XPR1: variants seen among roughly 807,000 people sequenced by gnomAD.
The protein encoded by XPR1 is xenotropic and polytropic retrovirus receptor 1, also known as solute carrier family 53 member 1.
Under a neutral mutation model 87.5 loss-of-function variants are expected in XPR1, and 28 were observed. The observed-to-expected ratio is 0.32, with a 90% CI of 0.24 to 0.44. XPR1 has a LOEUF of 0.44. XPR1 is among the 20% of genes least tolerant of loss of function. XPR1 has a pLI of 1.00. For missense variants in XPR1, 559 were observed against 862.3 expected (o/e 0.65, Z 4.41); for synonymous variants, 300 against 306.1 (o/e 0.98, Z 0.21).
At chr1:180,835,094 A>G (rs1404118366) in intron 10 of XPR1, 49 bp downstream of exon 10, 1 of 1,570,466 alleles carries the variant, frequency 6.4e-7, no homozygotes. Flanking sequence ...GTGTAAACCA[A>G]GATATATTGG....
At chr1:180,852,802 C>T (rs1346097817) in intron 11 of XPR1, among the ~76,000 whole-genome samples, 1 of 152,120 alleles carries the variant, frequency 6.6e-6, no homozygotes, top group Non-Finnish European at 1.5e-5. Context: ...GTTGGGATTA[C>T]AGGCGTGAGC....
chr1:180,847,272 A>C (rs919015773), intron 11 of XPR1, among the ~76,000 whole-genome samples: 1 of 152,190 alleles, frequency 6.6e-6, no homozygotes, highest in Non-Finnish European at 1.5e-5. Context: ...TGATATTTGA[A>C]ATTAATTTTT....
chr1:180,844,334 T>C (rs1220759818), intron 11 of XPR1, among the ~76,000 whole-genome samples: 1 of 152,226 alleles, frequency 6.6e-6, no homozygotes, highest in African/African-American at 2.4e-5. Flanking sequence ...CTTTATATTA[T>C]ACATAATTTT....
intron 1 of XPR1, among the ~76,000 whole-genome samples, chr1:180,682,005 A>G (rs1348084549): frequency 6.6e-6 from 1 of 152,166 alleles, no homozygotes; most frequent in Admixed American, 6.5e-5. Flanking sequence ...CCAGTTCCTG[A>G]TAGTTTCTTA....
rs12063306 is a variant in XPR1, at chr1:180,772,855, T to C, written c.122-14898T>C. On this transcript the variant is annotated intron_variant, in intron 2 of 14. Transcript: ENST00000367590. ...TGTAAATTGCCCAGTCTTGGGTATGTCTTTATCAGCATCATGAAAACTGAC... is the reference window on the plus strand; with the variant it reads ...TGTAAATTGCCCAGTCTTGGGTATGCCTTTATCAGCATCATGAAAACTGAC... Among the ~76,000 whole-genome samples the C allele has an allele frequency of 4.6e-3, 699 of 152,312 alleles. 4 individuals carry two copies. The highest frequency in any genetic ancestry group is 0.016 in the African/African-American group (675 of 41,558).
chr1:180,753,167 T>C (rs1384911189), intron 2 of XPR1, among the ~76,000 whole-genome samples: 1 of 152,146 alleles, frequency 6.6e-6, no homozygotes, highest in African/African-American at 2.4e-5. Flanking sequence ...CATTTCAAGA[T>C]TGTTGTATGC....
At chr1:180,826,578 A>G (rs1358690474) in intron 9 of XPR1, among the ~76,000 whole-genome samples, 1 of 152,188 alleles carries the variant, frequency 6.6e-6, no homozygotes, top group Non-Finnish European at 1.5e-5. Context: ...AGAAACAAAG[A>G]AAGTAAATCA....
chr1:180,854,408 A>G (rs1651967963), intron 11 of XPR1, among the ~76,000 whole-genome samples: 1 of 152,264 alleles, frequency 6.6e-6, no homozygotes, highest in African/African-American at 2.4e-5. Flanking sequence ...GTGAGTAAAC[A>G]TATATGTTAC....
intron 1 of XPR1, among the ~76,000 whole-genome samples, chr1:180,643,801 T>C (rs186303143): frequency 1.3e-5 from 2 of 152,212 alleles, no homozygotes; most frequent in South Asian, 2.1e-4. Context: ...ATTTGAAATT[T>C]GGTAGAACTA....
rs943843086 is a variant in XPR1, at chr1:180,736,721, A to G, written c.122-51032A>G. 3.3e-5 allele frequency among the ~76,000 whole-genome samples: 5 copies of G among 152,128 alleles called. No homozygotes were observed. The South Asian group carries it at 8.3e-4, about 25-fold the overall frequency. On this transcript the variant is annotated intron_variant, in intron 2 of 14. Transcript: ENST00000367590. The stretch of plus-strand genomic sequence containing the variant: ...AACAAGAAATGAAGAACACATAAAC[A>G]CTTGTAAGACATCTTGACCTTCTGT...
At position 180,748,555 on chromosome 1, in the gene XPR1, A is replaced by G. The variant is rs562579846; in HGVS notation, c.122-39198A>G. On this transcript the variant is annotated intron_variant, in intron 2 of 14. Transcript: ENST00000367590. ...TGCCTCAGCCTCCCGAGTAGCTGGG[A>G]TTACAGGCATGCGCCACCACGCCCG... is the stretch of plus-strand genomic sequence containing the variant. Among the ~76,000 whole-genome samples, 561 of 151,310 alleles carry G rather than the reference A, an allele frequency of 3.7e-3. 1 individual carries two copies. Among genetic ancestry groups the G allele is most frequent in the Middle Eastern group, 0.021 (6 of 292 alleles).
At chr1:180,785,945 A>T (rs10914108) in intron 2 of XPR1, among the ~76,000 whole-genome samples, 50,798 of 145,702 alleles carry the variant, frequency 0.35, 9,142 homozygotes, top group Non-Finnish European at 0.39. Context: ...ACTCAGCTTT[A>T]AAAAAAAAAA....
intron 7 of XPR1, among the ~76,000 whole-genome samples, chr1:180,819,443 A>C (rs949526880): frequency 6.6e-6 from 1 of 152,158 alleles, no homozygotes; most frequent in Non-Finnish European, 1.5e-5. Context: ...TTCAGATCAT[A>C]TTTACTGAAA....
At chr1:180,839,909 A>C (rs1330615482) in intron 11 of XPR1, among the ~76,000 whole-genome samples, 1 of 152,222 alleles carries the variant, frequency 6.6e-6, no homozygotes, top group Non-Finnish European at 1.5e-5. Flanking sequence ...CTCCATTGAT[A>C]AGCGTCATCT....
At chr1:180,772,605 T>C (rs766443518) in intron 2 of XPR1, among the ~76,000 whole-genome samples, 6 of 152,158 alleles carry the variant, frequency 3.9e-5, no homozygotes, top group Admixed American at 6.5e-5. Context: ...AGGGACCAAG[T>C]GGGAGATGAT....
intron 1 of XPR1, among the ~76,000 whole-genome samples, chr1:180,652,124 T>C (rs1655315659): frequency 6.6e-6 from 1 of 152,132 alleles, no homozygotes; most frequent in African/African-American, 2.4e-5. Flanking sequence ...AAACCCTGTC[T>C]CTACTAAAAA....
chr1:180,748,400 C>CTTTTTTTTT lies in XPR1; in HGVS notation c.122-39326_122-39318dup. 6.9e-3 allele frequency among the ~76,000 whole-genome samples: 204 copies of CTTTTTTTTT among 29,684 alleles called. 51 individuals are homozygous for CTTTTTTTTT. The highest frequency in any genetic ancestry group is 0.022 in the East Asian group (14 of 630). The allele number at this position is 29,684 out of a possible 152,430, so 19.5% of individuals were successfully genotyped here. On this transcript the variant is annotated intron_variant, in intron 2 of 14. Coordinates refer to ENST00000367590, the MANE Select transcript of XPR1 (RefSeq NM_004736.4). Reference sequence around the variant, plus strand: ...TGCTACTCTGTGTTATTATTTATGTCTTTTTTTTTTTTTTTTTTTTTTTTT... The same window carrying CTTTTTTTTT: ...TGCTACTCTGTGTTATTATTTATGTCTTTTTTTTTTTTTTTTTTTTTTTTTTTTTTTTTT...
chr1:180,861,421 T>C (rs1370949607), intron 11 of XPR1, among the ~76,000 whole-genome samples: 1 of 152,096 alleles, frequency 6.6e-6, no homozygotes, highest in Non-Finnish European at 1.5e-5. Flanking sequence ...ATGTGAATTA[T>C]TGAATGACAC....
At chr1:180,633,235 C>G (rs1654654175) in intron 1 of XPR1, among the ~76,000 whole-genome samples, 1 of 152,096 alleles carries the variant, frequency 6.6e-6, no homozygotes, top group African/African-American at 2.4e-5. Context: ...GTTCAGAAGA[C>G]AAGATACCTA....
Sources: gnomAD v4.1 joint callset for allele counts (sites outside exome capture counted in the v4.1 genomes callset) on GRCh38, gnomAD v4.1.1 for gene constraint, MANE v1.5 for transcripts, NCBI Gene and HGNC (gene_info 2026-07-23, HGNC 2026-07-21) for gene names.